Variants in XRN1 observed in about 807,000 individuals in gnomAD.
XRN1 encodes 5'-3' exoribonuclease 1, also known as strand-exchange protein 1 homolog.
Under a neutral mutation model 222.3 loss-of-function variants are expected in XRN1, and 67 were observed. The ratio of observed to expected loss-of-function variants is 0.30; its 90% CI spans 0.25 to 0.37. The LOEUF (loss-of-function observed/expected upper bound fraction) is 0.37, where lower values mean the gene tolerates loss of function less well. Ranked by LOEUF, XRN1 falls within the 10% of genes least tolerant of loss-of-function variation. XRN1 has a pLI of 1.00. For missense variants in XRN1, 1,707 were observed against 2,000.2 expected, an observed-to-expected ratio of 0.85 and a Z score of 2.80; for synonymous variants, 643 against 652.4, an observed-to-expected ratio of 0.99 and a Z score of 0.22.
intron 25 of XRN1, 95 bp from the exon 26 acceptor site, chr3:142,371,423 A>G: frequency 3.4e-6 from 3 of 895,502 alleles, no homozygotes; most frequent in Non-Finnish European, 5.1e-6. Flanking sequence ...AGAAACATAT[A>G]AAGCTTATTG....
intron 5 of XRN1, 22 bp downstream of exon 5, chr3:142,425,200 T>C: frequency 2.7e-6 from 4 of 1,493,182 alleles, no homozygotes; most frequent in Non-Finnish European, 1.8e-6. Context: ...CATAAGTTTA[T>C]AATAATAAAA....
rs1430201429 is a variant in XRN1, at chr3:142,308,655, G to GA, written c.*2855dup. Reference sequence around the variant, plus strand: ...AATGCAGGAAAATGTGAAAAGGAACGAGACTGGAAGGAGCAATCTTCAAAA... The same window carrying GA: ...AATGCAGGAAAATGTGAAAAGGAACGAAGACTGGAAGGAGCAATCTTCAAAA... On this transcript the variant is annotated 3_prime_UTR_variant, in exon 41 of 41. Transcript: ENST00000392981. The GA allele has an allele frequency of 3.3e-5, 5 of 152,152 alleles. No homozygotes were observed. Among genetic ancestry groups the GA allele is most frequent in the Non-Finnish European group, 7.3e-5 (5 of 68,028 alleles). The allele number at this position is 152,152 out of a possible 1,614,324, so 9.4% of individuals were successfully genotyped here. A position where few individuals can be genotyped will look rare whatever the true frequency, so the allele number is the denominator to read the frequency against.
At chr3:142,321,105 CTTTTTTT>C (rs573856556) in intron 37 of XRN1, among the ~76,000 whole-genome samples, 4 of 87,280 alleles carry the variant, frequency 4.6e-5, no homozygotes, top group South Asian at 4.0e-4. Context: ...CATCCACTTC[CTTTTTTT>C]TTTTTTTTTT....
chr3:142,326,147 A>C (rs962330775), intron 37 of XRN1, among the ~76,000 whole-genome samples: 5 of 151,594 alleles, frequency 3.3e-5, no homozygotes, highest in African/African-American at 9.7e-5. Context: ...GTTCAAGATA[A>C]ATTTTAGGAT....
intron 40 of XRN1, 58 bp from the exon 41 acceptor site, chr3:142,311,871 G>A: frequency 2.0e-6 from 3 of 1,489,114 alleles, no homozygotes; most frequent in Non-Finnish European, 2.7e-6. Flanking sequence ...AGCTAGTGTT[G>A]GAAATTACCA....
At chr3:142,319,904 G>A (rs13065956) in intron 37 of XRN1, among the ~76,000 whole-genome samples, 19,422 of 146,036 alleles carry the variant, frequency 0.13, 1,453 homozygotes, top group Middle Eastern at 0.25. Flanking sequence ...CATGGTGTGT[G>A]TATACACACA....
intron 1 of XRN1, among the ~76,000 whole-genome samples, chr3:142,441,346 G>A (rs2070203552): frequency 6.6e-6 from 1 of 152,228 alleles, no homozygotes; most frequent in Non-Finnish European, 1.5e-5. Flanking sequence ...ATGGACACCT[G>A]AAGCAGAAGT....
At chr3:142,414,426 T>C (rs1254460999) in intron 13 of XRN1, 135 bp from the exon 14 acceptor site, 1 of 618,366 alleles carries the variant, frequency 1.6e-6, no homozygotes, top group Non-Finnish European at 2.4e-6. Flanking sequence ...AATTCTACTA[T>C]CTGAATATAA....
intron 15 of XRN1, among the ~76,000 whole-genome samples, chr3:142,412,241 C>A (rs974702346): frequency 1.3e-5 from 2 of 152,152 alleles, no homozygotes; most frequent in Non-Finnish European, 1.5e-5. Flanking sequence ...TTATTAGATA[C>A]AACATATTTA....
At chr3:142,355,321 T>A (rs921795478) in intron 32 of XRN1, 80 bp downstream of exon 32, 8 of 705,592 alleles carry the variant, frequency 1.1e-5, no homozygotes, top group Admixed American at 3.8e-5. Flanking sequence ...CACAGAAAAA[T>A]AATCATTGTA....
At position 142,417,187 on chromosome 3, in the gene XRN1, T is replaced by C; in HGVS notation, c.1389A>G (p.Ile463Met). 1 of 1,613,844 alleles carries C rather than the reference T, an allele frequency of 6.2e-7. No individual in the cohort carries two copies. The highest frequency in any genetic ancestry group is 8.5e-7 in the Non-Finnish European group (1 of 1,179,884). ...ADQAACYVQA[I>M]QWILHYYYHG... ...GATAGTAATAGTGCAAAATCCACTG[T>C]ATTGCCTGAACATAACATGCAGCTT... is the stretch of plus-strand genomic sequence containing the variant. Residue 463 changes from isoleucine to methionine, a missense_variant, in exon 13 of 41, where the codon ATA (isoleucine) becomes ATG (methionine). Around this residue, in one of 2 missense-constraint regions of XRN1, gnomAD observed 1,234 missense variants for 1,518.2 expected, o/e 0.81. Coordinates refer to ENST00000392981, the MANE Select transcript of XRN1 (RefSeq NM_001282857.2).
chr3:142,352,957 T>A (rs2066353194), intron 32 of XRN1, among the ~76,000 whole-genome samples: 1 of 152,224 alleles, frequency 6.6e-6, no homozygotes, highest in African/African-American at 2.4e-5. Flanking sequence ...CATTCCTTTT[T>A]GATCTAAGCT....
chr3:142,353,384 T>G (rs1219726866), intron 32 of XRN1, among the ~76,000 whole-genome samples: 1 of 152,128 alleles, frequency 6.6e-6, no homozygotes, highest in Non-Finnish European at 1.5e-5. Context: ...AAGAACAATG[T>G]TGGAGACATC....
intron 33 of XRN1, among the ~76,000 whole-genome samples, chr3:142,336,082 T>C (rs990522141): frequency 2.6e-5 from 4 of 151,982 alleles, no homozygotes; most frequent in African/African-American, 9.7e-5. Context: ...AAGGGGAAAT[T>C]GGGGGATGGT....
intron 2 of XRN1, among the ~76,000 whole-genome samples, chr3:142,428,855 A>G (rs2108140175): frequency 6.6e-6 from 1 of 152,320 alleles, no homozygotes; most frequent in South Asian, 2.1e-4. Context: ...GCTTAGGAGA[A>G]AGCGATCCAC....
At chr3:142,422,180 T>A (rs530108975) in intron 8 of XRN1, among the ~76,000 whole-genome samples, 2 of 151,720 alleles carry the variant, frequency 1.3e-5, no homozygotes, top group African/African-American at 2.4e-5. Flanking sequence ...ACTAAAAATA[T>A]AGAACTTAGC....
chr3:142,388,198 C>T lies in XRN1; in HGVS notation c.2340-3513G>A, dbSNP rs111847667. On this transcript the variant is annotated intron_variant, in intron 20 of 40. Coordinates refer to ENST00000392981, the MANE Select transcript of XRN1 (RefSeq NM_001282857.2). ...CACCTCCAAGACAGCAGATGAACCC[C>T]TCCTCTGCCTACTCAACATGAAGAC... is the stretch of plus-strand genomic sequence containing the variant. 5.1e-3 allele frequency among the ~76,000 whole-genome samples: 780 copies of T among 152,250 alleles called. 9 individuals carry two copies. Among genetic ancestry groups the T allele is most frequent in the African/African-American group, 0.018 (758 of 41,542 alleles).
rs1445639398 is a variant in XRN1 at position 142,418,676 on chromosome 3, T to C, written c.1241-67A>G. 6 of 1,458,014 alleles carry C rather than the reference T, an allele frequency of 4.1e-6. No individual in the cohort carries two copies. In the African/African-American group the frequency reaches 5.6e-5, roughly 14 times the overall value. 90.3% of individuals were successfully genotyped at this position (1,458,014 alleles called of 1,614,324 possible). A position where few individuals can be genotyped will look rare whatever the true frequency, so the allele number is the denominator to read the frequency against. On this transcript the variant is annotated intron_variant, in intron 11 of 40. Transcript: ENST00000392981. ...ATAGCCTGTTTTTCCACCTAATGATTTGATAAATGCATATCCAAGTTGATG... is the reference window on the plus strand; with the variant it reads ...ATAGCCTGTTTTTCCACCTAATGATCTGATAAATGCATATCCAAGTTGATG...
Position 142,351,427 on chromosome 3 carries a change from C to T in XRN1, c.3768+3974G>A, listed in dbSNP as rs370106299. ...AGATGGAAACTGAGACTTGATCACA[C>T]GGTTTTTGCACACAAAGGTCATTGG... On this transcript the variant is annotated intron_variant, in intron 32 of 40. Coordinates refer to ENST00000392981, the MANE Select transcript of XRN1 (RefSeq NM_001282857.2). Among the ~76,000 whole-genome samples the T allele has an allele frequency of 4.6e-5, 7 of 152,104 alleles. 1 individual carries two copies. The highest frequency in any genetic ancestry group is 4.1e-4 in the South Asian group (2 of 4,822).
Sources: gnomAD v4.1 joint callset for allele counts (sites outside exome capture counted in the v4.1 genomes callset) on GRCh38, gnomAD v4.1.1 for gene constraint, gnomAD v4.1.1 regional missense constraint, MANE v1.5 for transcripts, NCBI Gene and HGNC (gene_info 2026-07-23, HGNC 2026-07-21) for gene names.